Variants in GNB1 observed in about 807,000 individuals in gnomAD.
GNB1 encodes the protein guanine nucleotide-binding protein G(I)/G(S)/G(T) subunit beta-1.
GNB1 carries 2 observed loss-of-function variants against 42.9 expected under a neutral mutation model. The ratio of observed to expected loss-of-function variants is 0.05; its 90% CI spans 0.02 to 0.15. GNB1 has a LOEUF of 0.15. GNB1 is among the 10% of genes least tolerant of loss of function. GNB1 has a pLI of 1.00. For synonymous variants in GNB1, 183 were observed against 174.7 expected, an observed-to-expected ratio of 1.05 and a Z score of -0.38; for missense variants, 193 against 462.2, an observed-to-expected ratio of 0.42 and a Z score of 5.34.
At chr1:1,815,464 C>T (rs1646841039) in intron 5 of GNB1, among the ~76,000 whole-genome samples, 1 of 152,136 alleles carries the variant, frequency 6.6e-6, no homozygotes, top group Non-Finnish European at 1.5e-5. Context: ...ACTGGGAAGA[C>T]AGAGGTCTAG....
At chr1:1,842,242 A>C (rs369985616) in intron 1 of GNB1, among the ~76,000 whole-genome samples, 6 of 152,208 alleles carry the variant, frequency 3.9e-5, no homozygotes, top group Non-Finnish European at 7.3e-5. Flanking sequence ...CATCCTGGCT[A>C]ACACGGTGAA....
At chr1:1,879,635 G>A (rs1264526883) in intron 1 of GNB1, among the ~76,000 whole-genome samples, 2 of 151,742 alleles carry the variant, frequency 1.3e-5, no homozygotes, top group Non-Finnish European at 1.5e-5. Flanking sequence ...AACCCAGGAG[G>A]CGGAGCTTGC....
intron 7 of GNB1, chr1:1,793,840 G>A: frequency 6.5e-6 from 1 of 153,962 alleles, no homozygotes; most frequent in Non-Finnish European, 1.4e-5. Flanking sequence ...AGAGGAGGGA[G>A]GACGAGAGTA....
At chr1:1,888,047 G>A (rs772202445) in intron 1 of GNB1, among the ~76,000 whole-genome samples, 8 of 152,154 alleles carry the variant, frequency 5.3e-5, no homozygotes, top group Non-Finnish European at 1.2e-4. Flanking sequence ...AGAATTAACT[G>A]AAGATATCAA....
chr1:1,843,153 G>A (rs902393197), intron 1 of GNB1, among the ~76,000 whole-genome samples: 2 of 152,172 alleles, frequency 1.3e-5, no homozygotes, highest in Non-Finnish European at 2.9e-5. Context: ...GTACTTTCCA[G>A]ATCAAGGGAC....
chr1:1,840,233 G>GAA (rs35854289), intron 1 of GNB1, among the ~76,000 whole-genome samples: 4 of 120,426 alleles, frequency 3.3e-5, no homozygotes, highest in South Asian at 2.7e-4. Context: ...GTCTCGAAAA[G>GAA]AAAAAAAAAA....
intron 1 of GNB1, among the ~76,000 whole-genome samples, chr1:1,844,279 T>C (rs1647497214): frequency 6.6e-6 from 1 of 151,796 alleles, no homozygotes; most frequent in African/African-American, 2.4e-5. Flanking sequence ...TAGTCCCAGC[T>C]ACTTGAGAGG....
At chr1:1,804,964 A>T (rs952524795) in intron 6 of GNB1, among the ~76,000 whole-genome samples, 1 of 151,980 alleles carries the variant, frequency 6.6e-6, no homozygotes. Flanking sequence ...GTTCAAGACC[A>T]GCTTAGCCAA....
chr1:1,807,705 CTTTT>C (rs1230068502), intron 5 of GNB1, among the ~76,000 whole-genome samples: 2 of 151,200 alleles, frequency 1.3e-5, no homozygotes, highest in South Asian at 2.1e-4. Flanking sequence ...CGAATTTTTT[CTTTT>C]TTTCTTTTTT....
At chr1:1,862,166 G>A (rs748106621) in intron 1 of GNB1, among the ~76,000 whole-genome samples, 10 of 152,168 alleles carry the variant, frequency 6.6e-5, no homozygotes, top group Non-Finnish European at 1.0e-4. Context: ...AAGTTGCAGT[G>A]AGCCAAGATT....
intron 2 of GNB1, among the ~76,000 whole-genome samples, chr1:1,828,679 A>G (rs1301994249): frequency 6.6e-6 from 1 of 152,234 alleles, no homozygotes; most frequent in Non-Finnish European, 1.5e-5. Flanking sequence ...AGAAATTATT[A>G]TAGCACTCTG....
intron 1 of GNB1, among the ~76,000 whole-genome samples, chr1:1,889,150 A>G (rs1032209439): frequency 6.6e-6 from 1 of 152,242 alleles, no homozygotes; most frequent in Non-Finnish European, 1.5e-5. Flanking sequence ...AACCTTATCA[A>G]TAACAATGCT....
At chr1:1,866,636 A>C (rs377443733) in intron 1 of GNB1, among the ~76,000 whole-genome samples, 9 of 9,146 alleles carry the variant, frequency 9.8e-4, no homozygotes, top group African/African-American at 1.1e-3. Context: ...TGATGAGCTT[A>C]AAAAAAAAAA....
chr1:1,853,033 C>T (rs566137728), intron 1 of GNB1, among the ~76,000 whole-genome samples: 54 of 152,186 alleles, frequency 3.5e-4, no homozygotes, highest in African/African-American at 1.3e-3. Flanking sequence ...CTTTCCTTTC[C>T]AAACCTGCTG....
intron 2 of GNB1, among the ~76,000 whole-genome samples, chr1:1,838,663 C>A (rs888305103): frequency 1.3e-5 from 2 of 152,058 alleles, no homozygotes; most frequent in African/African-American, 4.8e-5. Flanking sequence ...CCAGGATGGT[C>A]TCGATCTCCT....
Position 1,814,970 on chromosome 1 carries a change from A to G in GNB1, c.203+786T>C, listed in dbSNP as rs372999251. Among the ~76,000 whole-genome samples, 1,311 of 151,810 alleles carry G rather than the reference A, an allele frequency of 8.6e-3. 23 individuals carry two copies. The highest frequency in any genetic ancestry group is 0.03 in the African/African-American group (1,257 of 41,460). On this transcript the variant is annotated intron_variant, in intron 5 of 11. Transcript: ENST00000378609. ...TACTAAAAATACAAAAAAATTAGCC[A>G]GTGTGGTGGCAGGCGCCTGTAGTCC...
At chr1:1,849,780 G>A (rs546783855) in intron 1 of GNB1, among the ~76,000 whole-genome samples, 3 of 152,230 alleles carry the variant, frequency 2.0e-5, no homozygotes, top group South Asian at 2.1e-4. Flanking sequence ...GTGCCTAGGT[G>A]TTGAGGGTTT....
chr1:1,886,798 C>T (rs1490419357), intron 1 of GNB1, among the ~76,000 whole-genome samples: 1 of 152,188 alleles, frequency 6.6e-6, no homozygotes, highest in Non-Finnish European at 1.5e-5. Flanking sequence ...CTCCCCCTCC[C>T]GGGTTCCTGC....
At chr1:1,842,570 CA>C (rs1647287536) in intron 1 of GNB1, among the ~76,000 whole-genome samples, 1 of 152,100 alleles carries the variant, frequency 6.6e-6, no homozygotes, top group South Asian at 2.1e-4. Context: ...ATCCGGAACA[CA>C]CAAATCCAAA....
Sources: gnomAD v4.1 joint callset for allele counts (sites outside exome capture counted in the v4.1 genomes callset) on GRCh38, gnomAD v4.1.1 for gene constraint, MANE v1.5 for transcripts, NCBI Gene and HGNC (gene_info 2026-07-23, HGNC 2026-07-21) for gene names.